Variants in RBM27 observed in about 807,000 individuals in gnomAD.
RBM27 encodes the protein RNA binding motif protein 27, also known as RNA-binding protein 27.
RBM27 carries 22 observed loss-of-function variants against 135.3 expected under a neutral mutation model. That is an observed-to-expected ratio of 0.16 (90% CI 0.12 to 0.23). The LOEUF (loss-of-function observed/expected upper bound fraction) is 0.23, where lower values mean the gene tolerates loss of function less well. RBM27 is among the 10% of genes least tolerant of loss of function. The pLI is 1.00. For synonymous variants in RBM27, 481 were observed against 442.4 expected, an observed-to-expected ratio of 1.09 and a Z score of -1.10; for missense variants, 1,009 against 1,281.0, an observed-to-expected ratio of 0.79 and a Z score of 3.24.
chr5:146,208,934 A>G lies in RBM27; in HGVS notation c.59+5110A>G, dbSNP rs565102271. 1.6e-3 allele frequency among the ~76,000 whole-genome samples: 241 copies of G among 152,314 alleles called. 1 individual carries two copies. Among genetic ancestry groups the G allele is most frequent in the Non-Finnish European group, 2.9e-3 (194 of 68,026 alleles). ...TCTCTTGGTGTGTGTTTTAAAAAGCATGGTGGGATTTGTAAACTCTGGACA... is the reference window on the plus strand; with the variant it reads ...TCTCTTGGTGTGTGTTTTAAAAAGCGTGGTGGGATTTGTAAACTCTGGACA... On this transcript the variant is annotated intron_variant, in intron 1 of 20. Transcript: ENST00000265271.
At chr5:146,216,934 A>G (rs372913335) in intron 1 of RBM27, among the ~76,000 whole-genome samples, 41 of 151,646 alleles carry the variant, frequency 2.7e-4, no homozygotes, top group East Asian at 1.4e-3. Flanking sequence ...GATTATAGGC[A>G]TGAGCCACCA....
At chr5:146,267,551 A>G in intron 14 of RBM27, 98 bp from the exon 15 acceptor site, 1 of 748,070 alleles carries the variant, frequency 1.3e-6, no homozygotes, top group Non-Finnish European at 2.1e-6. Flanking sequence ...ACTCCTAAGA[A>G]GAGTAGAAAT....
chr5:146,230,764 G>A lies in RBM27; in HGVS notation c.697G>A (p.Ala233Thr). 1 of 1,613,940 alleles carries A rather than the reference G, an allele frequency of 6.2e-7. No individual in the cohort carries two copies. The highest frequency in any genetic ancestry group is 8.5e-7 in the Non-Finnish European group (1 of 1,179,886). ...CTCTTCTGAGCAGTATTCCTCTGGG[G>A]CACAGTCTATTCCCAGCACTGTTAC... ...PNSSEQYSSG[A>T]QSIPSTVTVI... Residue 233 changes from alanine to threonine, a missense_variant, in exon 6 of 21, where the codon GCA becomes ACA. Around this residue, in one of 6 missense-constraint regions of RBM27, gnomAD observed 268 missense variants for 326.6 expected, o/e 0.82. Coordinates refer to ENST00000265271, the MANE Select transcript of RBM27 (RefSeq NM_018989.2).
intron 9 of RBM27, among the ~76,000 whole-genome samples, chr5:146,254,095 G>A (rs1348483803): frequency 6.6e-6 from 1 of 152,172 alleles, no homozygotes; most frequent in Admixed American, 6.6e-5. Flanking sequence ...TTGGAGATAT[G>A]ATGGATAACA....
chr5:146,275,222 G>A (rs1169489933), intron 19 of RBM27, among the ~76,000 whole-genome samples: 2 of 151,448 alleles, frequency 1.3e-5, no homozygotes, highest in East Asian at 1.9e-4. Flanking sequence ...ATATTTTAAA[G>A]ATCAAAATCA....
At position 146,251,799 on chromosome 5, in the gene RBM27, G is replaced by A. The variant is rs377702048; in HGVS notation, c.1368G>A (p.Leu456=). 264 of 1,613,990 alleles carry A rather than the reference G, an allele frequency of 1.6e-4. No individual in the cohort carries two copies. Among genetic ancestry groups the A allele is most frequent in the Middle Eastern group, 1.3e-3 (8 of 6,062 alleles). ...CGCCTCCTCTGTTGGCAGCTCGTTT[G>A]GTGCCACCTCGAAACCTCATGGGAT... is the stretch of plus-strand genomic sequence containing the variant. The part of the protein sequence containing the change: ...GTPPPLLAAR[L]VPPRNLMGSS... The change falls in exon 9 of 21, where the codon TTG becomes TTA. Residue 456 remains leucine (L), a synonymous_variant. Transcript: ENST00000265271.
At chr5:146,239,466 C>CTTTTTT (rs1757306327) in intron 8 of RBM27, among the ~76,000 whole-genome samples, 2 of 103,832 alleles carry the variant, frequency 1.9e-5, no homozygotes, top group African/African-American at 9.0e-5. Context: ...TTTTTTTTTT[C>CTTTTTT]CTTTTCTTTT....
At chr5:146,235,122 C>G (rs1581172551) in intron 7 of RBM27, among the ~76,000 whole-genome samples, 1 of 151,656 alleles carries the variant, frequency 6.6e-6, no homozygotes, top group African/African-American at 2.4e-5. Flanking sequence ...TCAGTTTAAG[C>G]AGTAGTTTTA....
At chr5:146,251,600 C>T in intron 8 of RBM27, 111 bp from the exon 9 acceptor site, 1 of 1,014,512 alleles carries the variant, frequency 9.9e-7, no homozygotes, top group South Asian at 1.6e-5. Context: ...ACTTCTATTC[C>T]TGTTGGTTTA....
At position 146,237,333 on chromosome 5, in the gene RBM27, C is replaced by T. The variant is rs750623336; in HGVS notation, c.1180C>T (p.Arg394Cys). The change falls in exon 8 of 21, where the codon CGT (arginine) becomes TGT (cysteine). Residue 394 changes from arginine to cysteine, a missense_variant. Coordinates refer to ENST00000265271, the MANE Select transcript of RBM27 (RefSeq NM_018989.2). ...PITQSSLINS[R>C]DQPGTSAVPN... ...AACACAATCAAGCTTGATAAACAGCCGTGACCAGCCTGGGACAAGTGCAGT... is the reference window on the plus strand; with the variant it reads ...AACACAATCAAGCTTGATAAACAGCTGTGACCAGCCTGGGACAAGTGCAGT... The T allele has an allele frequency of 1.4e-5, 22 of 1,613,978 alleles. No individual in the cohort carries two copies. The highest frequency in any genetic ancestry group is 1.6e-4 in the Middle Eastern group (1 of 6,084).
chr5:146,243,616 C>G (rs1274507030), intron 8 of RBM27, among the ~76,000 whole-genome samples: 1 of 152,038 alleles, frequency 6.6e-6, no homozygotes, highest in African/African-American at 2.4e-5. Flanking sequence ...TTGGTAATTT[C>G]AAAAAGATTA....
intron 14 of RBM27, among the ~76,000 whole-genome samples, chr5:146,264,554 A>T (rs1758536437): frequency 6.6e-6 from 1 of 151,906 alleles, no homozygotes; most frequent in Non-Finnish European, 1.5e-5. Flanking sequence ...GTATTCTGTC[A>T]TAGTAAAAAA....
chr5:146,206,993 G>T (rs547758475), intron 1 of RBM27, among the ~76,000 whole-genome samples: 1 of 152,096 alleles, frequency 6.6e-6, no homozygotes, highest in African/African-American at 2.4e-5. Flanking sequence ...TGTCATCATG[G>T]GAGATTATTT....
Position 146,254,944 on chromosome 5 carries a change from T to C in RBM27, c.1446T>C (p.Asp482=), listed in dbSNP as rs777423995. 7 of 1,568,766 alleles carry C rather than the reference T, an allele frequency of 4.5e-6. No individual in the cohort carries two copies. Among genetic ancestry groups the C allele is most frequent in the Non-Finnish European group, 8.7e-7 (1 of 1,151,044 alleles). The change falls in exon 10 of 21, where the codon GAT becomes GAC. Residue 482 remains aspartate (D), a splice_region_variant and synonymous_variant. Coordinates refer to ENST00000265271, the MANE Select transcript of RBM27 (RefSeq NM_018989.2). ...SVSSPTPLVP[D]TYEPDGYNPE... ...TTTTGTTGCTTTGTTTTCCCTCAGA[T>C]ACATATGAACCAGATGGTTACAACC...
Position 146,203,644 on chromosome 5 carries a change from C to T in RBM27, c.-122C>T, listed in dbSNP as rs1361145546. ...CCCGGCCGGGGGAGTAGGTTGAAGT[C>T]TCCTAAGATGCCCGGTGGGCTGGGG... On this transcript the variant is annotated 5_prime_UTR_variant, in exon 1 of 21. Coordinates refer to ENST00000265271, the MANE Select transcript of RBM27 (RefSeq NM_018989.2). 9.9e-6 allele frequency: 9 copies of T among 905,032 alleles called. No homozygotes were observed. Among genetic ancestry groups the T allele is most frequent in the East Asian group, 8.1e-5 (3 of 36,832 alleles). The allele number at this position is 905,032 out of a possible 1,614,324, so 56.1% of individuals were successfully genotyped here.
At chr5:146,226,572 A>C (rs1022260801) in intron 3 of RBM27, among the ~76,000 whole-genome samples, 2 of 149,928 alleles carry the variant, frequency 1.3e-5, no homozygotes, top group African/African-American at 4.9e-5. Flanking sequence ...GTAGAGATAG[A>C]GTTTCACCAT....
intron 8 of RBM27, among the ~76,000 whole-genome samples, chr5:146,238,028 T>G (rs1213371588): frequency 6.6e-6 from 1 of 152,130 alleles, no homozygotes; most frequent in Non-Finnish European, 1.5e-5. Flanking sequence ...TTTTGAAGCT[T>G]TTTAAAAAAA....
chr5:146,248,535 G>A (rs542014356), intron 8 of RBM27, among the ~76,000 whole-genome samples: 8 of 152,184 alleles, frequency 5.3e-5, no homozygotes, highest in African/African-American at 1.9e-4. Flanking sequence ...GTGCAGTCTC[G>A]GCTCATTGCA....
At chr5:146,214,044 G>A (rs1252525428) in intron 1 of RBM27, among the ~76,000 whole-genome samples, 1 of 152,124 alleles carries the variant, frequency 6.6e-6, no homozygotes, top group African/African-American at 2.4e-5. Flanking sequence ...TCCTGCAGAT[G>A]TACATTAGAA....
Sources: allele counts gnomAD v4.1 joint callset (sites outside exome capture counted in the v4.1 genomes callset), GRCh38; gene constraint gnomAD v4.1.1; regional missense constraint gnomAD v4.1.1; transcripts MANE v1.5; gene names NCBI Gene and HGNC (gene_info 2026-07-23, HGNC 2026-07-21).